PACRG: variants seen among roughly 807,000 people sequenced by gnomAD.
PACRG encodes parkin coregulated.
PACRG carries 29 observed loss-of-function variants against 29.7 expected under a neutral mutation model. The observed-to-expected ratio is 0.98, with a 90% confidence interval of 0.73 to 1.33. The LOEUF (loss-of-function observed/expected upper bound fraction) is 1.33, where lower values mean the gene tolerates loss of function less well. Among genes scored for constraint, PACRG ranks in the 40% most tolerant of loss-of-function variants. The pLI is 0.00. For synonymous variants in PACRG, 116 were observed against 118.7 expected (o/e 0.98, Z 0.15); for missense variants, 279 against 316.2 (o/e 0.88, Z 0.89).
At chr6:162,727,794 C>A, upstream of PACRG, 1 of 1,021,506 alleles carries the variant, frequency 9.8e-7, no homozygotes, top group Non-Finnish European at 1.5e-6. Flanking sequence ...CGCGCCCGGC[C>A]CTAGGAATGC....
rs564170269 is a variant in PACRG at position 163,257,041 on chromosome 6, G to A, written c.614-57786G>A. Among the ~76,000 whole-genome samples the A allele has an allele frequency of 1.3e-4, 19 of 152,000 alleles. No individual in the cohort carries two copies. The South Asian group carries it at 3.8e-3, about 30-fold the overall frequency. On this transcript the variant is annotated intron_variant, in intron 4 of 4. Coordinates refer to ENST00000366888, the MANE Select transcript of PACRG (RefSeq NM_001080379.2). ...CGTGGTCTTTTCTTGTCTGTGTCTC[G>A]GCGTCTCTGCCTATCTGTCTCTTAT...
chr6:162,727,490 C>T (rs944264003), upstream of PACRG, among the ~76,000 whole-genome samples: 3 of 152,092 alleles, frequency 2.0e-5, no homozygotes, highest in Non-Finnish European at 4.4e-5. Context: ...GGGCCCCGGA[C>T]CCGCGTCGCT....
intron 1 of PACRG, among the ~76,000 whole-genome samples, chr6:162,768,555 C>G (rs1782974882): frequency 6.6e-6 from 1 of 152,006 alleles, no homozygotes; most frequent in South Asian, 2.1e-4. Context: ...ACTTAGGTAA[C>G]TGTTAGGCTT....
intron 4 of PACRG, among the ~76,000 whole-genome samples, chr6:163,257,152 A>T (rs1293155647): frequency 6.6e-6 from 1 of 151,430 alleles, no homozygotes; most frequent in Non-Finnish European, 1.5e-5. Flanking sequence ...ATCTGCAAAA[A>T]CCCTATTTCT....
rs149978427 is a variant in PACRG at position 163,314,445 on chromosome 6, C to T, written c.614-382C>T. On this transcript the variant is annotated intron_variant, in intron 4 of 4. Coordinates refer to ENST00000366888, the MANE Select transcript of PACRG (RefSeq NM_001080379.2). ...CAGATCCATTTTAAATCACACGGAA[C>T]GAACAGCCTGATCTCACAATAGACT... Among the ~76,000 whole-genome samples the T allele has an allele frequency of 5.1e-4, 78 of 152,250 alleles. 1 individual carries two copies. The East Asian group carries it at 0.012, about 23-fold the overall frequency.
intron 4 of PACRG, among the ~76,000 whole-genome samples, chr6:163,149,174 C>T (rs1030686226): frequency 2.6e-5 from 4 of 152,104 alleles, no homozygotes; most frequent in African/African-American, 9.7e-5. Flanking sequence ...CTGTCACCTC[C>T]CCTTCTGCAC....
Position 162,947,137 on chromosome 6 carries a change from A to G in PACRG, c.292-115013A>G, listed in dbSNP as rs569482898. Among the ~76,000 whole-genome samples the G allele has an allele frequency of 3.5e-3, 535 of 151,528 alleles. 1 individual carries two copies. The highest frequency in any genetic ancestry group is 7.3e-3 in the Admixed American group (110 of 15,146). On this transcript the variant is annotated intron_variant, in intron 2 of 4. Transcript: ENST00000366888. ...GTAGCCAGATCGTCAGGCAAGAGAA[A>G]GAAATAAAAGACATCCAAATGGGAG...
intron 2 of PACRG, among the ~76,000 whole-genome samples, chr6:162,876,164 C>A (rs1467571534): frequency 3.3e-5 from 5 of 152,088 alleles, no homozygotes; most frequent in Admixed American, 2.6e-4. Flanking sequence ...ATAGGGGGTT[C>A]CTCTCCAAAG....
intron 4 of PACRG, among the ~76,000 whole-genome samples, chr6:163,243,578 G>A (rs1039041216): frequency 2.7e-4 from 41 of 152,176 alleles, no homozygotes; most frequent in African/African-American, 7.7e-4. Context: ...AGCAGGAGCC[G>A]CGGGATGGTG....
chr6:162,764,979 C>T (rs537302562), intron 1 of PACRG, among the ~76,000 whole-genome samples: 3 of 152,038 alleles, frequency 2.0e-5, no homozygotes, highest in East Asian at 1.9e-4. Context: ...CCCCTGACCT[C>T]GTGATCTACC....
chr6:163,037,379 A>G (rs180841678), intron 2 of PACRG, among the ~76,000 whole-genome samples: 39 of 152,196 alleles, frequency 2.6e-4, no homozygotes, highest in Non-Finnish European at 4.1e-4. Flanking sequence ...GGTCCTCTTC[A>G]CCTGGCCCTT....
At chr6:163,279,826 G>A (rs1405484323) in intron 4 of PACRG, among the ~76,000 whole-genome samples, 3 of 152,136 alleles carry the variant, frequency 2.0e-5, no homozygotes, top group Non-Finnish European at 4.4e-5. Context: ...CTAATTGAAA[G>A]AGCTTGCTTG....
intron 2 of PACRG, among the ~76,000 whole-genome samples, chr6:162,925,088 C>T (rs529505230): frequency 9.2e-5 from 14 of 152,258 alleles, no homozygotes; most frequent in African/African-American, 3.4e-4. Flanking sequence ...TTCCTGGACA[C>T]ACATACCCTC....
intron 4 of PACRG, among the ~76,000 whole-genome samples, chr6:163,295,997 C>T (rs1394148190): frequency 1.3e-5 from 2 of 152,156 alleles, no homozygotes; most frequent in African/African-American, 4.8e-5. Context: ...CCTTAGTAAA[C>T]CCCACGCAGT....
intron 2 of PACRG, among the ~76,000 whole-genome samples, chr6:162,947,636 ATAT>A (rs1799333736): frequency 1.3e-5 from 1 of 79,680 alleles, no homozygotes; most frequent in African/African-American, 5.0e-5. Flanking sequence ...ATATATATAT[ATAT>A]ATATATATAC....
At chr6:162,838,719 T>C (rs1254865207) in intron 2 of PACRG, among the ~76,000 whole-genome samples, 2 of 149,404 alleles carry the variant, frequency 1.3e-5, no homozygotes, top group Admixed American at 6.7e-5. Flanking sequence ...ATTACGTATA[T>C]CTCCCAATGC....
chr6:163,171,203 C>T (rs2763986), intron 4 of PACRG, among the ~76,000 whole-genome samples: 1 of 151,696 alleles, frequency 6.6e-6, no homozygotes, highest in Non-Finnish European at 1.5e-5. Flanking sequence ...GTAATGTTAG[C>T]TGCAGAGAAT....
chr6:163,302,247 TG>T (rs1226813292), intron 4 of PACRG, among the ~76,000 whole-genome samples: 1 of 129,260 alleles, frequency 7.7e-6, no homozygotes, highest in Non-Finnish European at 1.7e-5. Flanking sequence ...TTTTTTTGTT[TG>T]TTTTTTTTTG....
intron 2 of PACRG, among the ~76,000 whole-genome samples, chr6:162,986,850 CT>C (rs1802937613): frequency 6.6e-6 from 1 of 151,898 alleles, no homozygotes; most frequent in Non-Finnish European, 1.5e-5. Context: ...TTAAGTGTGT[CT>C]TTTATTTCCA....
Sources: gnomAD v4.1 joint callset for allele counts (sites outside exome capture counted in the v4.1 genomes callset) on GRCh38, gnomAD v4.1.1 for gene constraint, MANE v1.5 for transcripts, NCBI Gene and HGNC (gene_info 2026-07-23, HGNC 2026-07-21) for gene names.